The following ATP10D variants were observed in gnomAD, a reference collection of about 807,000 sequenced individuals.
The protein encoded by ATP10D is ATPase phospholipid transporting 10D (putative), also known as phospholipid-transporting ATPase VD.
ATP10D carries 89 observed loss-of-function variants against 144.8 expected under a neutral mutation model. The ratio of observed to expected loss-of-function variants is 0.61; its 90% CI spans 0.52 to 0.73. The LOEUF (loss-of-function observed/expected upper bound fraction) is 0.73. Ranked by LOEUF, ATP10D falls within the 30% of genes least tolerant of loss-of-function variation. The pLI is 0.00. For synonymous variants in ATP10D, 571 were observed against 615.1 expected (o/e 0.93, Z 1.06); for missense variants, 1,603 against 1,714.8 (o/e 0.93, Z 1.15).
At chr4:47,551,181 C>T (rs150775573) in intron 10 of ATP10D, among the ~76,000 whole-genome samples, 1 of 152,182 alleles carries the variant, frequency 6.6e-6, no homozygotes, top group Non-Finnish European at 1.5e-5. Context: ...TGGAAGCAGT[C>T]ACCTTCCCAG....
chr4:47,548,180 T>C (rs2109437028), intron 10 of ATP10D, among the ~76,000 whole-genome samples: 1 of 152,342 alleles, frequency 6.6e-6, no homozygotes, highest in African/African-American at 2.4e-5. Flanking sequence ...CCACACCTTA[T>C]TGGTTTCTTG....
At chr4:47,509,677 A>G (rs573324505) in intron 1 of ATP10D, among the ~76,000 whole-genome samples, 1 of 152,218 alleles carries the variant, frequency 6.6e-6, no homozygotes, top group Non-Finnish European at 1.5e-5. Flanking sequence ...GAAATTTTGT[A>G]TTCTGTAATA....
At chr4:47,536,162 C>G in intron 7 of ATP10D, 129 bp downstream of exon 7, 1 of 1,166,778 alleles carries the variant, frequency 8.6e-7, no homozygotes, top group Non-Finnish European at 1.2e-6. Flanking sequence ...ACCTCATATC[C>G]TTGTCTCTTT....
At chr4:47,530,707 T>G (rs901638027) in intron 5 of ATP10D, among the ~76,000 whole-genome samples, 2 of 152,142 alleles carry the variant, frequency 1.3e-5, no homozygotes, top group African/African-American at 2.4e-5. Context: ...CTGCCTGCCT[T>G]GGCCTCCCAA....
chr4:47,546,873 A>T lies in ATP10D; in HGVS notation c.1635+11A>T. ...TTCAGTAGCCCCATTGTAAGTATGA[A>T]TGCATGACTAGAGTCTTGCACATCC... On this transcript the variant is annotated intron_variant, in intron 10 of 22. Transcript: ENST00000273859. The T allele has an allele frequency of 6.2e-7, 1 of 1,603,434 alleles. No homozygotes were observed. The highest frequency in any genetic ancestry group is 8.5e-7 in the Non-Finnish European group (1 of 1,171,898).
At chr4:47,488,450 A>G (rs1414339781) in intron 1 of ATP10D, among the ~76,000 whole-genome samples, 1 of 152,002 alleles carries the variant, frequency 6.6e-6, no homozygotes, top group Non-Finnish European at 1.5e-5. Context: ...TTAAAATATC[A>G]TATTTCCCCC....
chr4:47,545,818 G>A (rs1280837040), intron 9 of ATP10D, among the ~76,000 whole-genome samples: 1 of 151,790 alleles, frequency 6.6e-6, no homozygotes, highest in East Asian at 1.9e-4. Flanking sequence ...GATGGTGGTA[G>A]GTCTTGGCAT....
At chr4:47,589,097 T>C (rs540420652) in intron 22 of ATP10D, among the ~76,000 whole-genome samples, 2 of 152,270 alleles carry the variant, frequency 1.3e-5, no homozygotes, top group African/African-American at 4.8e-5. Flanking sequence ...GAAGGTACTA[T>C]GACTATGGGA....
intron 1 of ATP10D, among the ~76,000 whole-genome samples, chr4:47,493,823 G>A (rs1247451931): frequency 6.6e-6 from 1 of 152,124 alleles, no homozygotes; most frequent in African/African-American, 2.4e-5. Flanking sequence ...AGGGAGGGCA[G>A]AATCTGTGTT....
At chr4:47,586,501 C>T (rs1486890136) in intron 21 of ATP10D, among the ~76,000 whole-genome samples, 2 of 152,178 alleles carry the variant, frequency 1.3e-5, no homozygotes, top group Admixed American at 6.5e-5. Context: ...ACCCCTTGTA[C>T]TCACATTTTA....
rs565285972 is a variant in ATP10D, at chr4:47,569,110, G to A, written c.3127G>A (p.Val1043Ile). The A allele has an allele frequency of 1.9e-6, 3 of 1,613,930 alleles. No homozygotes were observed. Among genetic ancestry groups the A allele is most frequent in the South Asian group, 2.2e-5 (2 of 91,070 alleles). The change falls in exon 16 of 23, where the codon GTC becomes ATC. Residue 1043 changes from valine to isoleucine, a missense_variant. Coordinates refer to ENST00000273859, the MANE Select transcript of ATP10D (RefSeq NM_020453.4). ...PLQKSEVVKL[V>I]RSHLQVMTLA... The stretch of plus-strand genomic sequence containing the variant: ...GCAGAAAAGTGAAGTGGTGAAATTG[G>A]TCCGCAGCCATCTCCAGGTGATGAC...
Position 47,523,035 on chromosome 4 carries a change from G to A in ATP10D, c.509G>A (p.Arg170Gln), listed in dbSNP as rs74568336. The change falls in exon 4 of 23, where the codon CGA becomes CAA. Residue 170 changes from arginine (R) to glutamine (Q), a missense_variant. Coordinates refer to ENST00000273859, the MANE Select transcript of ATP10D (RefSeq NM_020453.4). The stretch of plus-strand genomic sequence containing the variant: ...AGGAAAGAGAAAAAATACATTGACC[G>A]ATGCTGGAAAGACGTTACTGTTGGG... ...YSRKEKKYIDRCWKDVTVGDF... is the reference protein window; with the variant it reads ...YSRKEKKYIDQCWKDVTVGDF... The A allele has an allele frequency of 8.6e-5, 139 of 1,610,086 alleles. No homozygotes were observed. In the African/African-American group the frequency reaches 1.5e-3, roughly 18 times the overall value.
rs1048506332 is a variant in ATP10D at position 47,591,584 on chromosome 4, A to G, written c.*203A>G. On this transcript the variant is annotated 3_prime_UTR_variant, in exon 23 of 23. Coordinates refer to ENST00000273859, the MANE Select transcript of ATP10D (RefSeq NM_020453.4). The stretch of plus-strand genomic sequence containing the variant: ...CTAGAGTTTGACCTAGAGAGAGTTT[A>G]AGGAAGTGAAATATTTAATTCAGAA... 4 of 397,434 alleles carry G rather than the reference A, an allele frequency of 1.0e-5. No homozygotes were observed. The highest frequency in any genetic ancestry group is 8.3e-5 in the African/African-American group (4 of 48,352). 24.6% of individuals were successfully genotyped at this position (397,434 alleles called of 1,614,324 possible).
intron 1 of ATP10D, among the ~76,000 whole-genome samples, chr4:47,486,357 G>C (rs191078315): frequency 1.3e-5 from 2 of 152,286 alleles, no homozygotes; most frequent in East Asian, 3.9e-4. Flanking sequence ...GTTTCTTCTT[G>C]CGTTCTTTTC....
At chr4:47,582,179 G>A (rs1370531830) in intron 21 of ATP10D, 115 bp downstream of exon 21, 1 of 832,430 alleles carries the variant, frequency 1.2e-6, no homozygotes, top group African/African-American at 1.7e-5. Context: ...TGAATCTATG[G>A]GAGAAGGGTG....
intron 1 of ATP10D, among the ~76,000 whole-genome samples, chr4:47,505,325 A>G (rs1372566638): frequency 1.3e-5 from 2 of 152,222 alleles, no homozygotes; most frequent in Admixed American, 1.3e-4. Flanking sequence ...AGTGATTCTC[A>G]GGGTGTGGTC....
At chr4:47,550,131 G>A (rs550081713) in intron 10 of ATP10D, among the ~76,000 whole-genome samples, 2 of 152,174 alleles carry the variant, frequency 1.3e-5, no homozygotes, top group East Asian at 3.9e-4. Context: ...GGTGGAACTA[G>A]GGGAGGAGTG....
Position 47,534,518 on chromosome 4 carries a change from C to G in ATP10D, c.777-991C>G, listed in dbSNP as rs141285814. Among the ~76,000 whole-genome samples, 52 of 152,280 alleles carry G rather than the reference C, an allele frequency of 3.4e-4. No individual in the cohort carries two copies. In the East Asian group the frequency reaches 9.5e-3, roughly 28 times the overall value. ...CGCCTGTAGGGCCATGACTTTCTTTCCCATAAATCATGAGGCCCACGATGT... is the reference window on the plus strand; with the variant it reads ...CGCCTGTAGGGCCATGACTTTCTTTGCCATAAATCATGAGGCCCACGATGT... On this transcript the variant is annotated intron_variant, in intron 5 of 22. Coordinates refer to ENST00000273859, the MANE Select transcript of ATP10D (RefSeq NM_020453.4).
Position 47,536,885 on chromosome 4 carries a change from T to C in ATP10D, c.1343T>C (p.Met448Thr). The C allele has an allele frequency of 6.2e-7, 1 of 1,613,192 alleles. No individual in the cohort carries two copies. Among genetic ancestry groups the C allele is most frequent in the Non-Finnish European group, 8.5e-7 (1 of 1,179,610 alleles). The change falls in exon 9 of 23, where the codon ATG (methionine) becomes ACG (threonine). Residue 448 changes from methionine (M) to threonine (T), a missense_variant. Coordinates refer to ENST00000273859, the MANE Select transcript of ATP10D (RefSeq NM_020453.4). ...DKTGTLTENK[M>T]VFRRCSVAGF... ...ACAGGAACCCTCACTGAGAATAAGA[T>C]GGTTTTTCGAAGATGTAGTGTGGCA...
Sources: gnomAD v4.1 joint callset for allele counts (sites outside exome capture counted in the v4.1 genomes callset) on GRCh38, gnomAD v4.1.1 for gene constraint, MANE v1.5 for transcripts, NCBI Gene and HGNC (gene_info 2026-07-23, HGNC 2026-07-21) for gene names.